CD44: variants seen among roughly 807,000 people sequenced by gnomAD.
CD44 encodes CD44 molecule (IN blood group).
In CD44, 49 loss-of-function variants were observed where a neutral mutation model predicts 88.8. The ratio of observed to expected loss-of-function variants is 0.55; its 90% CI spans 0.44 to 0.70. The LOEUF (loss-of-function observed/expected upper bound fraction) is 0.70, where lower values mean the gene tolerates loss of function less well. CD44 is among the 30% of genes least tolerant of loss of function. The probability of loss-of-function intolerance (pLI) is 0.00; values close to 1 mark genes in which losing one functional copy is unlikely to be tolerated. For missense variants in CD44, 883 were observed against 913.8 expected (o/e 0.97, Z 0.43); for synonymous variants, 325 against 312.3 (o/e 1.04, Z -0.43).
At chr11:35,196,692 C>T in intron 5 of CD44, 54 bp from the exon 6 acceptor site, 1 of 1,580,654 alleles carries the variant, frequency 6.3e-7, no homozygotes, top group Non-Finnish European at 8.7e-7. Flanking sequence ...AATGCTATTT[C>T]TTAGGAACCG....
At chr11:35,179,634 T>C (rs1944802062) in intron 2 of CD44, among the ~76,000 whole-genome samples, 2 of 152,198 alleles carry the variant, frequency 1.3e-5, no homozygotes, top group Non-Finnish European at 2.9e-5. Context: ...GTAATGATGG[T>C]TAATTTATTC....
At position 35,216,290 on chromosome 11, in the gene CD44, G is replaced by A. The variant is rs567246369; in HGVS notation, c.1873+1376G>A. Among the ~76,000 whole-genome samples the A allele has an allele frequency of 3.9e-5, 6 of 152,242 alleles. No individual in the cohort carries two copies. The East Asian group carries it at 9.6e-4, about 24-fold the overall frequency. On this transcript the variant is annotated intron_variant, in intron 15 of 17. Transcript: ENST00000428726. ...TACTTCTACTGCTGGGCTACTGGGA[G>A]GTTCTGCCAGTGCTGCCTTACTGTG...
intron 3 of CD44, among the ~76,000 whole-genome samples, chr11:35,183,914 C>T (rs1186523833): frequency 3.3e-5 from 5 of 152,108 alleles, no homozygotes; most frequent in Admixed American, 6.5e-5. Context: ...TATGAGATAC[C>T]TAAAATGTAT....
Position 35,231,922 on chromosome 11 carries a change from G to A in CD44, c.*2589G>A, listed in dbSNP as rs1283067339. The A allele has an allele frequency of 6.6e-6, 1 of 152,164 alleles. No individual in the cohort carries two copies. The highest frequency in any genetic ancestry group is 1.5e-5 in the Non-Finnish European group (1 of 68,008). The allele number at this position is 152,164 out of a possible 1,614,324, so 9.4% of individuals were successfully genotyped here. A position where few individuals can be genotyped will look rare whatever the true frequency, so the allele number is the denominator to read the frequency against. ...TAGCTCTGAGTGAAAAATCAAAAGA[G>A]ACAAAAGACATCTTCGAATCCATAT... On this transcript the variant is annotated 3_prime_UTR_variant, in exon 18 of 18. Coordinates refer to ENST00000428726, the MANE Select transcript of CD44 (RefSeq NM_000610.4).
At chr11:35,219,509 T>C in intron 16 of CD44, 122 bp downstream of exon 16, 2 of 702,016 alleles carry the variant, frequency 2.8e-6, no homozygotes, top group East Asian at 2.7e-5. Flanking sequence ...ATGAATCCAA[T>C]TGCTCCTCTT....
chr11:35,214,745 A>G, intron 14 of CD44, 107 bp from the exon 15 acceptor site: 4 of 554,448 alleles, frequency 7.2e-6, no homozygotes, highest in Non-Finnish European at 1.2e-5. Flanking sequence ...ATACCTTAAA[A>G]AGACTAAACT....
At chr11:35,216,786 C>A (rs1402195041) in intron 15 of CD44, among the ~76,000 whole-genome samples, 1 of 152,144 alleles carries the variant, frequency 6.6e-6, no homozygotes, top group South Asian at 2.1e-4. Flanking sequence ...ATTCTTTAAC[C>A]ATCAGAGTGG....
intron 1 of CD44, among the ~76,000 whole-genome samples, chr11:35,147,947 C>T (rs920541400): frequency 2.6e-5 from 4 of 151,972 alleles, no homozygotes; most frequent in South Asian, 2.1e-4. Context: ...AAAAATTAGC[C>T]GGGCATGGTG....
chr11:35,229,600 C>A lies in CD44; in HGVS notation c.*267C>A, dbSNP rs1264789688. ...AGTTCCCACTTGGAGGCCTTTCATC[C>A]CTCGGGTGTGCTATGGATGGCTTCT... On this transcript the variant is annotated 3_prime_UTR_variant, in exon 18 of 18. Transcript: ENST00000428726. The A allele has an allele frequency of 4.6e-5, 21 of 452,468 alleles. No individual in the cohort carries two copies. Among genetic ancestry groups the A allele is most frequent in the Non-Finnish European group, 8.0e-5 (20 of 250,356 alleles). 28.0% of individuals were successfully genotyped at this position (452,468 alleles called of 1,614,324 possible).
chr11:35,226,149 A>T (rs1949676540), intron 17 of CD44, among the ~76,000 whole-genome samples: 1 of 152,232 alleles, frequency 6.6e-6, no homozygotes. Context: ...AGATAGAAAC[A>T]CATAAATCCA....
chr11:35,190,113 A>G (rs1238541196), intron 5 of CD44, 48 bp downstream of exon 5: 1 of 1,501,596 alleles, frequency 6.7e-7, no homozygotes, highest in African/African-American at 1.4e-5. Context: ...TCCCTGGCAA[A>G]ATGTCTCTGA....
intron 17 of CD44, among the ~76,000 whole-genome samples, chr11:35,224,518 G>A (rs564374247): frequency 5.4e-4 from 82 of 152,058 alleles, no homozygotes; most frequent in African/African-American, 2.0e-3. Flanking sequence ...CAGTGGATTA[G>A]TTGAGCCTAG....
Position 35,142,179 on chromosome 11 carries a change from T to C in CD44, c.67+2809T>C, listed in dbSNP as rs140218033. Among the ~76,000 whole-genome samples the C allele has an allele frequency of 6.7e-3, 1,021 of 151,900 alleles. 10 individuals carry two copies. The highest frequency in any genetic ancestry group is 0.023 in the African/African-American group (966 of 41,376). ...CTCCTTGTCTCTGTGGGTGAGGGGATCTTTTTTTTTAATTATTATTATACT... is the reference window on the plus strand; with the variant it reads ...CTCCTTGTCTCTGTGGGTGAGGGGACCTTTTTTTTTAATTATTATTATACT... On this transcript the variant is annotated intron_variant, in intron 1 of 17. Transcript: ENST00000428726.
intron 1 of CD44, among the ~76,000 whole-genome samples, chr11:35,176,270 C>T (rs1944459235): frequency 6.6e-6 from 1 of 152,070 alleles, no homozygotes; most frequent in Non-Finnish European, 1.5e-5. Context: ...TCTCGATCTC[C>T]TGACCTTGTG....
intron 15 of CD44, among the ~76,000 whole-genome samples, chr11:35,217,024 C>T (rs1189415963): frequency 6.6e-6 from 1 of 152,244 alleles, no homozygotes; most frequent in African/African-American, 2.4e-5. Context: ...ATATCAAGTG[C>T]TCCTCTTTGT....
intron 7 of CD44, among the ~76,000 whole-genome samples, chr11:35,199,462 C>T (rs1302651543): frequency 6.6e-6 from 1 of 152,034 alleles, no homozygotes; most frequent in Non-Finnish European, 1.5e-5. Context: ...TTTTGGGGTG[C>T]TGTGTGAGCT....
chr11:35,216,186 T>C (rs914562018), intron 15 of CD44, among the ~76,000 whole-genome samples: 4 of 151,994 alleles, frequency 2.6e-5, no homozygotes, highest in African/African-American at 9.7e-5. Flanking sequence ...AATAGACTCC[T>C]GTTTGTTGTG....
chr11:35,184,652 C>T (rs977197825), intron 3 of CD44, among the ~76,000 whole-genome samples: 5 of 152,186 alleles, frequency 3.3e-5, no homozygotes, highest in African/African-American at 1.2e-4. Flanking sequence ...TACAGTCCCC[C>T]ATGACCTTGT....
chr11:35,194,063 C>T (rs1193246919), intron 5 of CD44, among the ~76,000 whole-genome samples: 2 of 152,186 alleles, frequency 1.3e-5, no homozygotes, highest in Non-Finnish European at 1.5e-5. Flanking sequence ...TGAAAGCAGT[C>T]GTTTGAAATG....
Sources: allele counts gnomAD v4.1 joint callset (sites outside exome capture counted in the v4.1 genomes callset), GRCh38; gene constraint gnomAD v4.1.1; transcripts MANE v1.5; gene names NCBI Gene and HGNC (gene_info 2026-07-23, HGNC 2026-07-21).